Variants in DIS3L2 observed in about 807,000 individuals in gnomAD.
DIS3L2 encodes the protein DIS3 like 3'-5' exoribonuclease 2, also known as DIS3-like exonuclease 2.
DIS3L2 carries 34 observed loss-of-function variants against 97.5 expected under a neutral mutation model. That is an observed-to-expected ratio of 0.35 (90% confidence interval 0.27 to 0.46). The LOEUF (loss-of-function observed/expected upper bound fraction) is 0.46. Ranked by LOEUF, DIS3L2 falls within the 20% of genes least tolerant of loss-of-function variation. DIS3L2 has a pLI of 1.00. For synonymous variants in DIS3L2, 435 were observed against 445.2 expected, an observed-to-expected ratio of 0.98 and a Z score of 0.29; for missense variants, 1,038 against 1,146.0, an observed-to-expected ratio of 0.91 and a Z score of 1.36.
intron 9 of DIS3L2, among the ~76,000 whole-genome samples, chr2:232,192,667 T>G (rs1450715986): frequency 2.0e-5 from 3 of 152,206 alleles, no homozygotes; most frequent in Non-Finnish European, 4.4e-5. Context: ...CAGGGGACAG[T>G]GTGGAAGTGG....
chr2:232,297,992 T>G (rs1395364891), intron 13 of DIS3L2, among the ~76,000 whole-genome samples: 1 of 152,228 alleles, frequency 6.6e-6, no homozygotes. Flanking sequence ...CCACCACATC[T>G]GGCCTCAGTC....
chr2:232,315,252 A>G (rs1695237896), intron 14 of DIS3L2, among the ~76,000 whole-genome samples: 1 of 152,174 alleles, frequency 6.6e-6, no homozygotes, highest in Non-Finnish European at 1.5e-5. Context: ...CCCAGGGCAT[A>G]TTCAGGTACT....
At chr2:232,324,945 A>T (rs1575019685) in intron 14 of DIS3L2, among the ~76,000 whole-genome samples, 1 of 152,234 alleles carries the variant, frequency 6.6e-6, no homozygotes, top group Non-Finnish European at 1.5e-5. Context: ...ACACCCCCCA[A>T]CCCCTACCAC....
At chr2:232,230,399 C>T (rs565932412) in intron 10 of DIS3L2, among the ~76,000 whole-genome samples, 5 of 152,336 alleles carry the variant, frequency 3.3e-5, no homozygotes, top group African/African-American at 7.2e-5. Flanking sequence ...CCCTTTCGCT[C>T]AGCCCCCTTG....
intron 1 of DIS3L2, among the ~76,000 whole-genome samples, chr2:231,970,602 T>C (rs755773532): frequency 6.6e-6 from 1 of 152,190 alleles, no homozygotes; most frequent in Non-Finnish European, 1.5e-5. Flanking sequence ...TATAGGGCAT[T>C]GACCATGAAT....
intron 1 of DIS3L2, among the ~76,000 whole-genome samples, chr2:231,970,525 GA>G (rs908276337): frequency 1.3e-5 from 2 of 152,104 alleles, no homozygotes; most frequent in African/African-American, 2.4e-5. Flanking sequence ...TATGTATCTA[GA>G]TGTATCTATA....
intron 1 of DIS3L2, among the ~76,000 whole-genome samples, chr2:232,014,115 C>A (rs1474850614): frequency 1.3e-5 from 2 of 152,192 alleles, no homozygotes; most frequent in Non-Finnish European, 2.9e-5. Flanking sequence ...GTTCAGCATC[C>A]AGGTGGAAGG....
intron 13 of DIS3L2, among the ~76,000 whole-genome samples, chr2:232,279,189 G>A (rs771014425): frequency 4.6e-5 from 7 of 152,022 alleles, no homozygotes; most frequent in Non-Finnish European, 8.8e-5. Context: ...TACCCACCTC[G>A]GCCTCTCAAA....
At chr2:232,135,630 G>A (rs753848216) in intron 7 of DIS3L2, among the ~76,000 whole-genome samples, 1 of 152,254 alleles carries the variant, frequency 6.6e-6, no homozygotes, top group Non-Finnish European at 1.5e-5. Context: ...TTCCTGTGGG[G>A]TAGTAGCTGG....
At chr2:232,087,204 T>C (rs1448333584) in intron 5 of DIS3L2, among the ~76,000 whole-genome samples, 1 of 152,060 alleles carries the variant, frequency 6.6e-6, no homozygotes, top group Admixed American at 6.5e-5. Flanking sequence ...TTCAGGGCCT[T>C]TGGGGAGAGG....
chr2:231,991,968 A>T (rs1307643172), intron 1 of DIS3L2, among the ~76,000 whole-genome samples: 1 of 152,100 alleles, frequency 6.6e-6, no homozygotes, highest in Non-Finnish European at 1.5e-5. Flanking sequence ...AACCCTCAAC[A>T]CTTCACGTGC....
In DIS3L2 at chr2:232,300,098, A is replaced by G. The variant is rs1559200124; in HGVS notation, c.1718A>G (p.Tyr573Cys). ...ETGLPQGCHI[Y>C]EYRESNKLVE... is the part of the protein sequence containing the mutation. ...GGATTGCCTCAAGGATGTCATATCT[A>G]TGAGTACCGCGAGAGCAACAAGTAA... The change falls in exon 14 of 21, where the codon TAT becomes TGT. Residue 573 changes from tyrosine to cysteine, a missense_variant. Tyr to Cys is a radical substitution (Grantham distance 194, BLOSUM62 -2). This residue lies in a region of DIS3L2 where 813 missense variants were observed against 880.1 expected (regional missense o/e 0.92). Coordinates refer to ENST00000325385, the MANE Select transcript of DIS3L2 (RefSeq NM_152383.5). 6.2e-7 allele frequency: 1 copy of G among 1,613,838 alleles called. No individual in the cohort carries two copies. The highest frequency in any genetic ancestry group is 8.5e-7 in the Non-Finnish European group (1 of 1,179,780).
At chr2:232,174,585 CAAAAAAAAAAAAAA>C (rs60698530) in intron 9 of DIS3L2, among the ~76,000 whole-genome samples, 1 of 83,972 alleles carries the variant, frequency 1.2e-5, no homozygotes, top group African/African-American at 4.6e-5. Flanking sequence ...GACTCCACCT[CAAAAAAAAAAAAAA>C]AAAAAAAAAA....
chr2:231,987,095 A>G (rs1460127802), intron 1 of DIS3L2, among the ~76,000 whole-genome samples: 3 of 152,054 alleles, frequency 2.0e-5, no homozygotes, highest in African/African-American at 7.2e-5. Context: ...TTTATAGGAA[A>G]CCCTAAGTTG....
intron 10 of DIS3L2, among the ~76,000 whole-genome samples, chr2:232,234,630 G>A (rs769241072): frequency 6.6e-6 from 1 of 152,196 alleles, no homozygotes; most frequent in Non-Finnish European, 1.5e-5. Flanking sequence ...GGGATTACAG[G>A]TCTTTATTAT....
chr2:232,002,455 G>A (rs1693934797), intron 1 of DIS3L2, among the ~76,000 whole-genome samples: 1 of 152,184 alleles, frequency 6.6e-6, no homozygotes, highest in Admixed American at 6.5e-5. Flanking sequence ...ATTGCTTTGG[G>A]TAGTAAGGAC....
chr2:232,214,005 A>G (rs551167226), intron 10 of DIS3L2, among the ~76,000 whole-genome samples: 2 of 152,280 alleles, frequency 1.3e-5, no homozygotes, highest in African/African-American at 4.8e-5. Context: ...TTCTTATCCT[A>G]AAAACACACT....
intron 5 of DIS3L2, among the ~76,000 whole-genome samples, chr2:232,054,415 A>G (rs892342095): frequency 1.3e-5 from 2 of 152,192 alleles, no homozygotes; most frequent in African/African-American, 4.8e-5. Flanking sequence ...ATACTTTAAC[A>G]TTTGGAAACT....
chr2:231,986,731 TG>T (rs1368712368), intron 1 of DIS3L2, among the ~76,000 whole-genome samples: 1 of 152,228 alleles, frequency 6.6e-6, no homozygotes, highest in Non-Finnish European at 1.5e-5. Flanking sequence ...TCATCTTAAA[TG>T]GTAGAACCTG....
Sources: gnomAD v4.1 joint callset for allele counts (sites outside exome capture counted in the v4.1 genomes callset) on GRCh38, gnomAD v4.1.1 for gene constraint, gnomAD v4.1.1 regional missense constraint, MANE v1.5 for transcripts, NCBI Gene and HGNC (gene_info 2026-07-23, HGNC 2026-07-21) for gene names.